Variants in USP38 observed in about 807,000 individuals in gnomAD.
USP38 encodes the protein ubiquitin carboxyl-terminal hydrolase 38.
USP38 carries 49 observed loss-of-function variants against 94.3 expected under a neutral mutation model. That is an observed-to-expected ratio of 0.52 (90% confidence interval 0.41 to 0.66). The LOEUF (loss-of-function observed/expected upper bound fraction) is 0.66. Among genes scored for constraint, USP38 ranks in the 30% least tolerant of loss-of-function variants. USP38 has a pLI of 0.00. For synonymous variants in USP38, 468 were observed against 463.6 expected, an observed-to-expected ratio of 1.01 and a Z score of -0.12; for missense variants, 1,128 against 1,229.4, an observed-to-expected ratio of 0.92 and a Z score of 1.23.
chr4:143,185,420 C>A lies in USP38; in HGVS notation c.-31C>A, dbSNP rs750360596. 5 of 1,544,694 alleles carry A rather than the reference C, an allele frequency of 3.2e-6. No homozygotes were observed. The highest frequency in any genetic ancestry group is 1.9e-5 in the Admixed American group (1 of 52,156). On this transcript the variant is annotated 5_prime_UTR_variant, in exon 1 of 10. Transcript: ENST00000307017. ...GGGGCTGCCGCCACCCGCTCCTTATCCCCTGGCCCTGGCCTTGCAGCGTGG... is the reference window on the plus strand; with the variant it reads ...GGGGCTGCCGCCACCCGCTCCTTATACCCTGGCCCTGGCCTTGCAGCGTGG...
rs369829170 is a variant in USP38 at position 143,187,958 on chromosome 4, G to A, written c.815G>A (p.Cys272Tyr). 28 of 1,609,122 alleles carry A rather than the reference G, an allele frequency of 1.7e-5. No homozygotes were observed. Among genetic ancestry groups the A allele is most frequent in the Non-Finnish European group, 2.4e-5 (28 of 1,178,384 alleles). Residue 272 changes from cysteine (C) to tyrosine (Y), a missense_variant, in exon 2 of 10, where the codon TGC becomes TAC. Coordinates refer to ENST00000307017, the MANE Select transcript of USP38 (RefSeq NM_032557.6). ...GATGCAAGTATGACCCAAGCCCTTT[G>A]CAGGTACTTCTTCATGACACTATTA... is the stretch of plus-strand genomic sequence containing the variant. The part of the protein sequence containing the change: ...VKDASMTQAL[C>Y]RMIDWLSWPL...
rs756262136 is a variant in USP38, at chr4:143,214,092, G to A, written c.2116G>A (p.Val706Ile). The stretch of plus-strand genomic sequence containing the variant: ...TAACAAGATTCTTGTTAATAAAGAT[G>A]TACCTCAGAAACCAGGAGGTGAAAC... ...ESNKILVNKD[V>I]PQKPGGETTP... Residue 706 changes from valine to isoleucine, a missense_variant, in exon 9 of 10, where the codon GTA becomes ATA. By Grantham distance (29) the Val-to-Ile change is conservative (BLOSUM62 3). Coordinates refer to ENST00000307017, the MANE Select transcript of USP38 (RefSeq NM_032557.6). 6.2e-7 allele frequency: 1 copy of A among 1,613,384 alleles called. No homozygotes were observed. The highest frequency in any genetic ancestry group is 1.3e-5 in the African/African-American group (1 of 74,900).
At chr4:143,211,253 A>G (rs1331623833) in intron 7 of USP38, among the ~76,000 whole-genome samples, 4 of 152,190 alleles carry the variant, frequency 2.6e-5, no homozygotes, top group Admixed American at 2.6e-4. Flanking sequence ...CCTGACAGAG[A>G]TTATTTTAGG....
At position 143,190,649 on chromosome 4, in the gene USP38, C is replaced by T. The variant is rs141936278; in HGVS notation, c.818+2688C>T. Among the ~76,000 whole-genome samples, 4 of 152,218 alleles carry T rather than the reference C, an allele frequency of 2.6e-5. No individual in the cohort carries two copies. In the East Asian group the frequency reaches 7.7e-4, roughly 29 times the overall value. ...CCATCCTTTCATTCCCTTTGATTAA[C>T]ATAATTAATAAGTCCTTTGGATTAT... On this transcript the variant is annotated intron_variant, in intron 2 of 9. Transcript: ENST00000307017.
Position 143,222,646 on chromosome 4 carries a change from C to T in USP38, c.*2190C>T, listed in dbSNP as rs1037263212. 1 of 152,006 alleles carries T rather than the reference C, an allele frequency of 6.6e-6. No individual in the cohort carries two copies. Among genetic ancestry groups the T allele is most frequent in the Non-Finnish European group, 1.5e-5 (1 of 67,930 alleles). The allele number at this position is 152,006 out of a possible 1,614,324, so 9.4% of individuals were successfully genotyped here. On this transcript the variant is annotated 3_prime_UTR_variant, in exon 10 of 10. Coordinates refer to ENST00000307017, the MANE Select transcript of USP38 (RefSeq NM_032557.6). ...ATTCAAATGATAACTCATACCAGTA[C>T]CAAAAACTTGAAGACTTCCTTTTAA...
chr4:143,189,744 T>G (rs1339553260), intron 2 of USP38, among the ~76,000 whole-genome samples: 1 of 152,060 alleles, frequency 6.6e-6, no homozygotes, highest in Admixed American at 6.5e-5. Flanking sequence ...AAAACTCTTA[T>G]GTAAATGTTT....
chr4:143,185,068 G>C lies in USP38; in HGVS notation c.-383G>C, dbSNP rs575253050. On this transcript the variant is annotated 5_prime_UTR_variant, in exon 1 of 10. Transcript: ENST00000307017. Reference sequence around the variant, plus strand: ...GACGCCCACACCTGACCCGGAACTCGGAGGCGTGCTTCCTCCACCCGCCGG... The same window carrying C: ...GACGCCCACACCTGACCCGGAACTCCGAGGCGTGCTTCCTCCACCCGCCGG... 320 of 184,738 alleles carry C rather than the reference G, an allele frequency of 1.7e-3. 1 individual carries two copies. Among genetic ancestry groups the C allele is most frequent in the African/African-American group, 7.0e-3 (297 of 42,160 alleles). 11.4% of individuals were successfully genotyped at this position (184,738 alleles called of 1,614,324 possible). A position where few individuals can be genotyped will look rare whatever the true frequency, so the allele number is the denominator to read the frequency against.
intron 2 of USP38, among the ~76,000 whole-genome samples, chr4:143,190,165 A>G (rs908453746): frequency 4.6e-5 from 7 of 152,066 alleles, no homozygotes; most frequent in Non-Finnish European, 8.8e-5. Flanking sequence ...TATAACTTCT[A>G]TTTCCTCCTA....
At position 143,220,681 on chromosome 4, in the gene USP38, T is replaced by C. The variant is rs975587035; in HGVS notation, c.*225T>C. On this transcript the variant is annotated 3_prime_UTR_variant, in exon 10 of 10. Coordinates refer to ENST00000307017, the MANE Select transcript of USP38 (RefSeq NM_032557.6). ...TTCCATTTGCTTTTATGGTTAGACATGCTTGACCAAAAATGTTCAGAAGAA... is the reference window on the plus strand; with the variant it reads ...TTCCATTTGCTTTTATGGTTAGACACGCTTGACCAAAAATGTTCAGAAGAA... 4.5e-5 allele frequency: 17 copies of C among 377,296 alleles called. No homozygotes were observed. The highest frequency in any genetic ancestry group is 7.2e-4 in the Middle Eastern group (1 of 1,382). The allele number at this position is 377,296 out of a possible 1,614,324, so 23.4% of individuals were successfully genotyped here.
chr4:143,209,516 G>T, intron 6 of USP38, 48 bp from the exon 7 acceptor site: 5 of 1,089,508 alleles, frequency 4.6e-6, no homozygotes, highest in African/African-American at 1.7e-5. Flanking sequence ...TTTAATAAAT[G>T]CATGTGTTTG....
At chr4:143,200,713 A>G (rs1276281744) in intron 4 of USP38, among the ~76,000 whole-genome samples, 2 of 152,238 alleles carry the variant, frequency 1.3e-5, no homozygotes, top group Non-Finnish European at 2.9e-5. Flanking sequence ...AAAAATCACT[A>G]GCATTCCTAT....
rs1561246044 is a variant in USP38 at position 143,210,940 on chromosome 4, T to G, written c.1497+1283T>G. Among the ~76,000 whole-genome samples the G allele has an allele frequency of 2.0e-5, 3 of 152,022 alleles. 1 individual carries two copies. In the South Asian group the frequency reaches 6.2e-4, roughly 31 times the overall value. ...TCAGATATTTTTATTATTCTTTATC[T>G]GGGGAAAGTATGTTCACAAATTAAA... is the stretch of plus-strand genomic sequence containing the variant. On this transcript the variant is annotated intron_variant, in intron 7 of 9. Coordinates refer to ENST00000307017, the MANE Select transcript of USP38 (RefSeq NM_032557.6).
chr4:143,199,527 C>T (rs13106497), intron 4 of USP38, among the ~76,000 whole-genome samples: 90,730 of 152,042 alleles, frequency 0.6, 27,249 homozygotes, highest in East Asian at 0.82. Context: ...GGTCAAATGC[C>T]AGTGCTGCTG....
intron 4 of USP38, among the ~76,000 whole-genome samples, chr4:143,203,090 C>G (rs1731762060): frequency 6.6e-6 from 1 of 151,896 alleles, no homozygotes; most frequent in Non-Finnish European, 1.5e-5. Flanking sequence ...TATAATAACC[C>G]TAACAATTTC....
At chr4:143,189,218 G>A (rs1019877783) in intron 2 of USP38, among the ~76,000 whole-genome samples, 1 of 151,970 alleles carries the variant, frequency 6.6e-6, no homozygotes, top group African/African-American at 2.4e-5. Flanking sequence ...CTATTTTATA[G>A]TTCACTAATT....
At position 143,193,126 on chromosome 4, in the gene USP38, T is replaced by C. The variant is rs140397639; in HGVS notation, c.819-2590T>C. 2.2e-3 allele frequency among the ~76,000 whole-genome samples: 334 copies of C among 152,322 alleles called. 1 individual carries two copies. The highest frequency in any genetic ancestry group is 7.9e-3 in the African/African-American group (329 of 41,588). Reference sequence around the variant, plus strand: ...AGATGTGCTCACACATACCCTGCCTTTAGATTACATCTTTTTTATGTCCAT... The same window carrying C: ...AGATGTGCTCACACATACCCTGCCTCTAGATTACATCTTTTTTATGTCCAT... On this transcript the variant is annotated intron_variant, in intron 2 of 9. Coordinates refer to ENST00000307017, the MANE Select transcript of USP38 (RefSeq NM_032557.6).
intron 9 of USP38, among the ~76,000 whole-genome samples, chr4:143,216,682 C>G (rs1231960220): frequency 2.0e-5 from 3 of 151,948 alleles, no homozygotes; most frequent in Non-Finnish European, 4.4e-5. Context: ...TGCTATTTTA[C>G]CCAGGCTAGT....
At chr4:143,196,032 A>G (rs1731538339) in intron 3 of USP38, among the ~76,000 whole-genome samples, 187 bp downstream of exon 3, 1 of 152,154 alleles carries the variant, frequency 6.6e-6, no homozygotes, top group Admixed American at 6.5e-5. Flanking sequence ...TAGGTTGGGC[A>G]TGGTTGCTCA....
chr4:143,217,275 A>G (rs969864909), intron 9 of USP38, among the ~76,000 whole-genome samples: 3 of 152,200 alleles, frequency 2.0e-5, no homozygotes, highest in African/African-American at 7.2e-5. Context: ...ATAGAAAACT[A>G]TAGCGTTGAG....
Sources: gnomAD v4.1 joint callset for allele counts (sites outside exome capture counted in the v4.1 genomes callset) on GRCh38, gnomAD v4.1.1 for gene constraint, MANE v1.5 for transcripts, NCBI Gene and HGNC (gene_info 2026-07-23, HGNC 2026-07-21) for gene names.